The following TMIGD1 variants were observed in gnomAD, a reference collection of about 807,000 sequenced individuals.
The protein encoded by TMIGD1 is transmembrane and immunoglobulin domain containing 1, also known as transmembrane and immunoglobulin domain-containing protein 1.
TMIGD1 carries 29 observed loss-of-function variants against 27.5 expected under a neutral mutation model. That is an observed-to-expected ratio of 1.05 (90% CI 0.78 to 1.44). The LOEUF (loss-of-function observed/expected upper bound fraction) is 1.44. Ranked by LOEUF, TMIGD1 falls within the 40% of genes most tolerant of loss-of-function variation. The pLI is 0.00. For synonymous variants in TMIGD1, 109 were observed against 110.3 expected (o/e 0.99, Z 0.07); for missense variants, 334 against 310.6 (o/e 1.08, Z -0.57).
At chr17:30,326,569 G>T (rs1337699840) in intron 3 of TMIGD1, among the ~76,000 whole-genome samples, 1 of 152,116 alleles carries the variant, frequency 6.6e-6, no homozygotes, top group African/African-American at 2.4e-5. Flanking sequence ...TTGAACCACA[G>T]AGATCTAGCT....
intron 4 of TMIGD1, among the ~76,000 whole-genome samples, chr17:30,321,737 TA>T (rs1461137381): frequency 6.6e-6 from 1 of 152,170 alleles, no homozygotes; most frequent in Non-Finnish European, 1.5e-5. Context: ...TAGGTAAATT[TA>T]ATTTCAAAGC....
At position 30,317,221 on chromosome 17, in the gene TMIGD1, C is replaced by T. The variant is rs750960136; in HGVS notation, c.757G>A (p.Asp253Asn). Residue 253 changes from aspartate to asparagine, a missense_variant, in exon 6 of 7, where the codon GAT becomes AAT. Coordinates refer to ENST00000328886, the MANE Select transcript of TMIGD1 (RefSeq NM_206832.3). Reference protein sequence around the residue: ...RKKIMKLCMKDKDPHSETAL With the variant: ...RKKIMKLCMKNKDPHSETAL ...GCTGTTTCACTGTGAGGGTCTTTATCCTTCATGCAGAGCTAAAAGCAAACA... is the reference window on the plus strand; with the variant it reads ...GCTGTTTCACTGTGAGGGTCTTTATTCTTCATGCAGAGCTAAAAGCAAACA... The T allele has an allele frequency of 5.6e-6, 9 of 1,614,064 alleles. No homozygotes were observed. Among genetic ancestry groups the T allele is most frequent in the Non-Finnish European group, 6.8e-6 (8 of 1,179,988 alleles).
At chr17:30,326,536 C>G (rs780529788) in intron 3 of TMIGD1, among the ~76,000 whole-genome samples, 2 of 152,084 alleles carry the variant, frequency 1.3e-5, no homozygotes, top group African/African-American at 2.4e-5. Context: ...CAGTAACTTG[C>G]ATGTTTTTGA....
In TMIGD1 at chr17:30,318,888, CT is replaced by C. The variant is rs1193325737; in HGVS notation, c.665del (p.Glu222GlyfsTer9). The C allele has an allele frequency of 1.2e-6, 2 of 1,613,556 alleles. No homozygotes were observed. Among genetic ancestry groups the C allele is most frequent in the Non-Finnish European group, 1.7e-6 (2 of 1,179,636 alleles). On this transcript the variant is annotated frameshift_variant, in exon 5 of 7. Coordinates refer to ENST00000328886, the MANE Select transcript of TMIGD1 (RefSeq NM_206832.3). LOFTEE classifies it high-confidence loss of function. ...TCACAACACATGCAGCAATAATGGG[CT>C]CTATTGGTACACCCACAGTTTTATC... ...VKDKTVGVPIEPIIAACVVIF... is the reference protein window; with the variant it reads ...VKDKTVGVPIXPIIAACVVIF...
chr17:30,332,280 C>T (rs1157643366), intron 1 of TMIGD1, 122 bp from the exon 2 acceptor site: 1 of 544,460 alleles, frequency 1.8e-6, no homozygotes, highest in South Asian at 2.9e-5. Flanking sequence ...TATAACGGTA[C>T]TACTTCTAGC....
At chr17:30,325,165 C>T in intron 3 of TMIGD1, 71 bp from the exon 4 acceptor site, 1 of 1,479,290 alleles carries the variant, frequency 6.8e-7, no homozygotes, top group Admixed American at 2.1e-5. Context: ...CAAAGTCTTC[C>T]TTCAATCTAT....
At chr17:30,325,218 C>T (rs878927349) in intron 3 of TMIGD1, 124 bp from the exon 4 acceptor site, 5 of 1,021,384 alleles carry the variant, frequency 4.9e-6, no homozygotes, top group East Asian at 2.5e-5. Context: ...TTATTAAATA[C>T]GTACGGTGTG....
rs528971175 is a variant in TMIGD1, at chr17:30,317,322, G to A, written c.745-89C>T. The A allele has an allele frequency of 4.4e-4, 627 of 1,411,288 alleles. 1 individual carries two copies. Among genetic ancestry groups the A allele is most frequent in the Non-Finnish European group, 5.9e-4 (590 of 1,000,124 alleles). 87.4% of individuals were successfully genotyped at this position (1,411,288 alleles called of 1,614,324 possible). A position where few individuals can be genotyped will look rare whatever the true frequency, so the allele number is the denominator to read the frequency against. ...GCATTAAGATGGCTCGAGGACAGGT[G>A]TGTGTCCTGTGCACACCTCTGCACT... is the stretch of plus-strand genomic sequence containing the variant. On this transcript the variant is annotated intron_variant, in intron 5 of 6. Transcript: ENST00000328886.
chr17:30,329,439 T>C lies in TMIGD1; in HGVS notation c.173A>G (p.Asn58Ser), dbSNP rs1909902251. 1 of 1,614,208 alleles carries C rather than the reference T, an allele frequency of 6.2e-7. No homozygotes were observed. The highest frequency in any genetic ancestry group is 8.5e-7 in the Non-Finnish European group (1 of 1,180,036). The change falls in exon 3 of 7, where the codon AAC becomes AGC. Residue 58 changes from asparagine to serine, a missense_variant. Transcript: ENST00000328886. The part of the protein sequence containing the change: ...SQASLICAVQ[N>S]HTREEELLWY... ...GAGCAGTTCTTCCTCTCTGGTGTGG[T>C]TTTGAACAGCACATATCAGAGATGC...
chr17:30,327,985 G>A (rs1239569671), intron 3 of TMIGD1, among the ~76,000 whole-genome samples: 1 of 151,544 alleles, frequency 6.6e-6, no homozygotes, highest in Non-Finnish European at 1.5e-5. Flanking sequence ...TCATTGAAAA[G>A]CTTCACCTTT....
intron 4 of TMIGD1, among the ~76,000 whole-genome samples, chr17:30,323,183 G>T (rs1317759547): frequency 6.6e-6 from 1 of 151,902 alleles, no homozygotes; most frequent in Non-Finnish European, 1.5e-5. Flanking sequence ...AAAAATAAAA[G>T]AAAAAGAAAG....
At chr17:30,333,111 A>G (rs1013916490) in intron 1 of TMIGD1, among the ~76,000 whole-genome samples, 3 of 152,038 alleles carry the variant, frequency 2.0e-5, no homozygotes, top group African/African-American at 4.8e-5. Flanking sequence ...TCTACTGCCT[A>G]GATTAATATT....
intron 3 of TMIGD1, among the ~76,000 whole-genome samples, chr17:30,326,308 TC>T (rs1322247440): frequency 6.6e-6 from 1 of 152,208 alleles, no homozygotes; most frequent in Non-Finnish European, 1.5e-5. Context: ...TATGTGAATA[TC>T]CCCTCTGTAA....
chr17:30,325,240 G>A, intron 3 of TMIGD1, 146 bp from the exon 4 acceptor site: 1 of 763,160 alleles, frequency 1.3e-6, no homozygotes, highest in Non-Finnish European at 2.1e-6. Context: ...CAAGCACTGG[G>A]GTAACAAGGG....
chr17:30,332,407 G>T lies in TMIGD1; in HGVS notation c.-25-249C>A, dbSNP rs78947137. Reference sequence around the variant, plus strand: ...GCTATGACAGATAGAGCAGCGTCAGGGTGCCCTGGGGAAGATGAAACCAGT... The same window carrying T: ...GCTATGACAGATAGAGCAGCGTCAGTGTGCCCTGGGGAAGATGAAACCAGT... On this transcript the variant is annotated intron_variant, in intron 1 of 6. Transcript: ENST00000328886. 9.5e-3 allele frequency among the ~76,000 whole-genome samples: 1,441 copies of T among 152,248 alleles called. 15 individuals carry two copies. The highest frequency in any genetic ancestry group is 0.023 in the African/African-American group (940 of 41,540).
At position 30,318,800 on chromosome 17, in the gene TMIGD1, A is replaced by G. The variant is rs761236353; in HGVS notation, c.744+10T>C. 5.2e-5 allele frequency: 82 copies of G among 1,588,110 alleles called. No individual in the cohort carries two copies. The South Asian group carries it at 6.0e-4, about 12-fold the overall frequency. On this transcript the variant is annotated intron_variant, in intron 5 of 6. Transcript: ENST00000328886. ...GCTTTTTACTTAAATAGCTCAGAAT[A>G]CTTAGATACCTTCATTATTTTCTTT...
chr17:30,324,244 G>T (rs909815165), intron 4 of TMIGD1, among the ~76,000 whole-genome samples: 16 of 152,266 alleles, frequency 1.1e-4, no homozygotes, highest in African/African-American at 3.8e-4. Context: ...CAAGAAATAT[G>T]AGGAGGGAAA....
chr17:30,316,654 ACT>A lies in TMIGD1; in HGVS notation c.*31_*32del. On this transcript the variant is annotated 3_prime_UTR_variant, in exon 7 of 7. Transcript: ENST00000328886. ...TAAATTGTGGAGGTCCTGATGCAAA[ACT>A]CTCTCTGTATTCGATGGCATCTCAG... 2 of 1,611,322 alleles carry A rather than the reference ACT, an allele frequency of 1.2e-6. No homozygotes were observed. Among genetic ancestry groups the A allele is most frequent in the Non-Finnish European group, 1.7e-6 (2 of 1,178,550 alleles).
chr17:30,329,009 A>AAGAAAAGAAAAG (rs1279259243), intron 3 of TMIGD1, among the ~76,000 whole-genome samples: 3 of 142,462 alleles, frequency 2.1e-5, no homozygotes, highest in South Asian at 2.2e-4. Context: ...AAAAAGAAAA[A>AAGAAAAGAAAAG]AGAAAAGAAA....
Sources: gnomAD v4.1 joint callset for allele counts (sites outside exome capture counted in the v4.1 genomes callset) on GRCh38, gnomAD v4.1.1 for gene constraint, MANE v1.5 for transcripts, NCBI Gene and HGNC (gene_info 2026-07-23, HGNC 2026-07-21) for gene names.